The following TRIB3 variants were observed in gnomAD, a reference collection of about 807,000 sequenced individuals.
TRIB3 encodes the protein tribbles homolog 3.
Under a neutral mutation model 16.6 loss-of-function variants are expected in TRIB3, and 20 were observed. That is an observed-to-expected ratio of 1.20 (90% CI 0.85 to 1.75). The LOEUF (loss-of-function observed/expected upper bound fraction) is 1.75. Ranked by LOEUF, TRIB3 falls within the 40% of genes most tolerant of loss-of-function variation. The pLI is 0.00. For missense variants in TRIB3, 484 were observed against 488.9 expected (o/e 0.99, Z 0.10); for synonymous variants, 208 against 217.0 (o/e 0.96, Z 0.36).
chr20:391,296 G>A lies in TRIB3; in HGVS notation c.301G>A (p.Val101Ile), dbSNP rs200085611. The A allele has an allele frequency of 1.9e-5, 31 of 1,611,824 alleles. No individual in the cohort carries two copies. The highest frequency in any genetic ancestry group is 1.1e-4 in the East Asian group (5 of 44,896). Residue 101 changes from valine to isoleucine, a missense_variant, in exon 3 of 4, where the codon GTC becomes ATC. By Grantham distance (29) the Val-to-Ile change is conservative. Transcript: ENST00000217233. Reference sequence around the variant, plus strand: ...CATGCTCTGCCCACAGGTGTACCCCGTCCAGGAAGCCCTGGCCGTGCTGGA... The same window carrying A: ...CATGCTCTGCCCACAGGTGTACCCCATCCAGGAAGCCCTGGCCGTGCTGGA... ...GTEYTCKVYP[V>I]QEALAVLEPY... is the part of the protein sequence containing the mutation.
At chr20:384,820 G>C (rs2014755436) in intron 1 of TRIB3, among the ~76,000 whole-genome samples, 1 of 152,158 alleles carries the variant, frequency 6.6e-6, no homozygotes, top group Non-Finnish European at 1.5e-5. Context: ...CCACATTCCA[G>C]CATACAGGAA....
At chr20:390,254 G>A (rs1417893921) in intron 2 of TRIB3, among the ~76,000 whole-genome samples, 1 of 151,256 alleles carries the variant, frequency 6.6e-6, no homozygotes, top group African/African-American at 2.4e-5. Flanking sequence ...CTTGAACCTG[G>A]GAGGTGGAGG....
chr20:387,979 T>G, intron 1 of TRIB3, 32 bp from the exon 2 acceptor site: 2 of 1,593,492 alleles, frequency 1.3e-6, no homozygotes, highest in Non-Finnish European at 1.7e-6. Context: ...CCAAGCAGTC[T>G]CACTTTAGTG....
Position 387,916 on chromosome 20 carries a change from C to A in TRIB3, c.1-95C>A. 5.0e-6 allele frequency: 7 copies of A among 1,411,192 alleles called. No homozygotes were observed. In the South Asian group the frequency reaches 6.5e-5, roughly 13 times the overall value. The allele number at this position is 1,411,192 out of a possible 1,614,324, so 87.4% of individuals were successfully genotyped here. ...TTTAACACACACTGCCAGATCACCC[C>A]CTATAAATGTTGTGCCACGTATCCT... On this transcript the variant is annotated intron_variant, in intron 1 of 3. Transcript: ENST00000217233.
chr20:386,995 C>T (rs1291199762), intron 1 of TRIB3, among the ~76,000 whole-genome samples: 1 of 151,934 alleles, frequency 6.6e-6, no homozygotes, highest in Non-Finnish European at 1.5e-5. Flanking sequence ...TCATGATTCG[C>T]CCACCTTGGC....
intron 1 of TRIB3, among the ~76,000 whole-genome samples, chr20:384,589 C>T (rs1568532270): frequency 6.6e-6 from 1 of 152,156 alleles, no homozygotes; most frequent in Non-Finnish European, 1.5e-5. Context: ...GTCTCGATCT[C>T]CTGACCTTGT....
At chr20:388,923 T>C (rs2014897800) in intron 2 of TRIB3, among the ~76,000 whole-genome samples, 1 of 152,036 alleles carries the variant, frequency 6.6e-6, no homozygotes, top group Non-Finnish European at 1.5e-5. Context: ...AGAAGGGCCA[T>C]GCGTGAAGTC....
intron 1 of TRIB3, among the ~76,000 whole-genome samples, chr20:384,584 G>A (rs1438641456): frequency 6.6e-6 from 1 of 152,044 alleles, no homozygotes; most frequent in Non-Finnish European, 1.5e-5. Flanking sequence ...AGATGGTCTC[G>A]ATCTCCTGAC....
chr20:385,138 G>A lies in TRIB3; in HGVS notation c.1-2873G>A, dbSNP rs796153686. ...TTTATTTATTTATTTTTGAGACGGA[G>A]TTTCACTCTTGTCGCCCAGGCCGGA... On this transcript the variant is annotated intron_variant, in intron 1 of 3. Coordinates refer to ENST00000217233, the MANE Select transcript of TRIB3 (RefSeq NM_021158.5). 3.3e-5 allele frequency among the ~76,000 whole-genome samples: 5 copies of A among 152,218 alleles called. No individual in the cohort carries two copies. In the South Asian group the frequency reaches 1.0e-3, roughly 32 times the overall value.
intron 2 of TRIB3, among the ~76,000 whole-genome samples, chr20:388,726 G>A (rs2014892560): frequency 6.6e-6 from 1 of 152,168 alleles, no homozygotes; most frequent in African/African-American, 2.4e-5. Context: ...GGCAGGAGAT[G>A]AAGGTTGGCA....
At chr20:391,187 A>G (rs2014965184) in intron 2 of TRIB3, 100 bp from the exon 3 acceptor site, 12 of 1,329,634 alleles carry the variant, frequency 9.0e-6, no homozygotes, top group South Asian at 2.6e-5. Context: ...TGCGATGCCT[A>G]GCACATGGTA....
intron 1 of TRIB3, chr20:382,536 A>G: frequency 6.5e-7 from 1 of 1,535,540 alleles, no homozygotes; most frequent in Admixed American, 2.0e-5. Flanking sequence ...GCTTTCTAAG[A>G]CTCCCAAGGA....
rs11374668 is a variant in TRIB3, at chr20:391,001, CAA to C, written c.292-264_292-263del. Among the ~76,000 whole-genome samples the C allele has an allele frequency of 4.0e-3, 346 of 85,768 alleles. 3 individuals are homozygous for C. The highest frequency in any genetic ancestry group is 0.012 in the African/African-American group (283 of 22,760). 56.3% of individuals were successfully genotyped at this position (85,768 alleles called of 152,430 possible). On this transcript the variant is annotated intron_variant, in intron 2 of 3. Coordinates refer to ENST00000217233, the MANE Select transcript of TRIB3 (RefSeq NM_021158.5). ...TGGGTGACAGAGCGAGACTCCGTCT[CAA>C]AAAAAAAAAAAAAAAAAAAAAGCAC... is the stretch of plus-strand genomic sequence containing the variant.
chr20:396,890 CA>C lies in TRIB3; in HGVS notation c.*202del, dbSNP rs2015146357. 1.4e-6 allele frequency: 1 copy of C among 713,496 alleles called. No individual in the cohort carries two copies. Among genetic ancestry groups the C allele is most frequent in the Non-Finnish European group, 2.2e-6 (1 of 456,796 alleles). The allele number at this position is 713,496 out of a possible 1,614,324, so 44.2% of individuals were successfully genotyped here. On this transcript the variant is annotated 3_prime_UTR_variant, in exon 4 of 4. Transcript: ENST00000217233. ...TCCTGCTTGGGTGCTTATCAGGTGC[CA>C]AGCCCTGTTCTCGGTGCTGGGAGTA...
Position 388,180 on chromosome 20 carries a change from A to G in TRIB3, c.170A>G (p.Asp57Gly). The G allele has an allele frequency of 1.9e-6, 3 of 1,613,964 alleles. No homozygotes were observed. Among genetic ancestry groups the G allele is most frequent in the South Asian group, 1.1e-5 (1 of 91,080 alleles). ...CCCCTGAGCCCACCTACTGCTCCAG[A>G]TCGTGCAACTGCTGTGGCCACTGCC... is the stretch of plus-strand genomic sequence containing the variant. ...LLPLSPPTAP[D>G]RATAVATASR... Residue 57 changes from aspartate (D) to glycine (G), a missense_variant, in exon 2 of 4, where the codon GAT (aspartate) becomes GGT (glycine). Coordinates refer to ENST00000217233, the MANE Select transcript of TRIB3 (RefSeq NM_021158.5).
In TRIB3 at chr20:391,508, G is replaced by A. The variant is rs141872974; in HGVS notation, c.513G>A (p.Ala171=). The A allele has an allele frequency of 6.5e-5, 105 of 1,613,600 alleles. 1 individual carries two copies. In the South Asian group the frequency reaches 6.9e-4, roughly 11 times the overall value. The stretch of plus-strand genomic sequence containing the variant: ...TCCGCCAGATGGCCACCGCCCTGGC[G>A]CACTGTCACCAGCACGGTCTGGTCC... ...VLFRQMATAL[A]HCHQHGLVLR... is the part of the protein sequence containing the mutation. Residue 171 remains alanine (A), a synonymous_variant, in exon 3 of 4, where the codon GCG becomes GCA. Coordinates refer to ENST00000217233, the MANE Select transcript of TRIB3 (RefSeq NM_021158.5).
At chr20:388,369 G>C in intron 2 of TRIB3, 68 bp downstream of exon 2, 1 of 1,520,518 alleles carries the variant, frequency 6.6e-7, no homozygotes, top group Non-Finnish European at 8.8e-7. Flanking sequence ...CCAAAGGATT[G>C]CCAGGGTGCA....
rs2014616038 is a variant in TRIB3 at position 380,853 on chromosome 20, G to C, written c.-317G>C. 1 of 129,454 alleles carries C rather than the reference G, an allele frequency of 7.7e-6. No individual in the cohort carries two copies. Among genetic ancestry groups the C allele is most frequent in the Non-Finnish European group, 1.8e-5 (1 of 56,824 alleles). 8.0% of individuals were successfully genotyped at this position (129,454 alleles called of 1,614,324 possible). On this transcript the variant is annotated 5_prime_UTR_variant, in exon 1 of 4. Transcript: ENST00000217233. Reference sequence around the variant, plus strand: ...GCGGCGCGGGGGATGGTGCGATCCCGGGCCCGAGGGCATCAGACGGCGGCT... The same window carrying C: ...GCGGCGCGGGGGATGGTGCGATCCCCGGCCCGAGGGCATCAGACGGCGGCT...
chr20:393,389 T>G (rs1568536843), intron 3 of TRIB3, among the ~76,000 whole-genome samples: 1 of 151,942 alleles, frequency 6.6e-6, no homozygotes, highest in Non-Finnish European at 1.5e-5. Context: ...TGGAGTGCAG[T>G]GGTGTGATCA....
Sources: gnomAD v4.1 joint callset for allele counts (sites outside exome capture counted in the v4.1 genomes callset) on GRCh38, gnomAD v4.1.1 for gene constraint, MANE v1.5 for transcripts, NCBI Gene and HGNC (gene_info 2026-07-23, HGNC 2026-07-21) for gene names.